The following PIP4K2A variants were observed in gnomAD, a reference collection of about 807,000 sequenced individuals.
The protein encoded by PIP4K2A is phosphatidylinositol-5-phosphate 4-kinase type 2 alpha, also known as phosphatidylinositol 5-phosphate 4-kinase type-2 alpha.
Under a neutral mutation model 42.9 loss-of-function variants are expected in PIP4K2A, and 14 were observed. That is an observed-to-expected ratio of 0.33 (90% CI 0.22 to 0.51). The LOEUF is 0.51. Among genes scored for constraint, PIP4K2A ranks in the 20% least tolerant of loss-of-function variants. The pLI is 0.97. For synonymous variants in PIP4K2A, 192 were observed against 192.2 expected (o/e 1.00, Z 0.01); for missense variants, 434 against 519.8 (o/e 0.83, Z 1.61).
At chr10:22,660,337 A>T (rs1241211899) in intron 1 of PIP4K2A, among the ~76,000 whole-genome samples, 1 of 151,892 alleles carries the variant, frequency 6.6e-6, no homozygotes, top group Non-Finnish European at 1.5e-5. Flanking sequence ...CGGGTGTGGA[A>T]GCGCGTGCCT....
intron 6 of PIP4K2A, among the ~76,000 whole-genome samples, chr10:22,563,199 G>A (rs565024360): frequency 1.6e-4 from 24 of 152,134 alleles, no homozygotes; most frequent in African/African-American, 5.6e-4. Flanking sequence ...GGTGGGTGGG[G>A]TAGCTTTATG....
intron 1 of PIP4K2A, among the ~76,000 whole-genome samples, chr10:22,612,548 G>A (rs936887156): frequency 5.3e-5 from 8 of 152,194 alleles, no homozygotes; most frequent in African/African-American, 1.7e-4. Context: ...ACCGGGAAGC[G>A]GCTGCTGTAG....
At chr10:22,538,108 G>T (rs546378838) in intron 9 of PIP4K2A, among the ~76,000 whole-genome samples, 1 of 152,340 alleles carries the variant, frequency 6.6e-6, no homozygotes, top group South Asian at 2.1e-4. Context: ...TGCTAAGTGA[G>T]CATGTGCTGT....
chr10:22,690,538 G>A (rs562026381), intron 1 of PIP4K2A, among the ~76,000 whole-genome samples: 3 of 152,220 alleles, frequency 2.0e-5, no homozygotes, highest in South Asian at 4.1e-4. Context: ...GTGGAAGAGA[G>A]TAACAAAAAC....
At chr10:22,550,946 G>A (rs1456645815) in intron 6 of PIP4K2A, among the ~76,000 whole-genome samples, 174 bp from the exon 7 acceptor site, 2 of 152,040 alleles carry the variant, frequency 1.3e-5, no homozygotes, top group Non-Finnish European at 2.9e-5. Context: ...ATACCACCGG[G>A]GGGCGCCAGT....
At chr10:22,658,521 T>G (rs1388291646) in intron 1 of PIP4K2A, among the ~76,000 whole-genome samples, 1 of 152,202 alleles carries the variant, frequency 6.6e-6, no homozygotes, top group Non-Finnish European at 1.5e-5. Context: ...AGGCTTAAAC[T>G]ACCAAACATT....
intron 1 of PIP4K2A, among the ~76,000 whole-genome samples, chr10:22,669,649 G>A (rs1479235894): frequency 1.3e-5 from 2 of 152,190 alleles, no homozygotes; most frequent in East Asian, 1.9e-4. Context: ...GCCCACTGGA[G>A]AGGCCATGCA....
intron 4 of PIP4K2A, among the ~76,000 whole-genome samples, chr10:22,578,864 T>C (rs1837186650): frequency 6.6e-6 from 1 of 152,036 alleles, no homozygotes; most frequent in South Asian, 2.1e-4. Context: ...ATCCAGCAAA[T>C]AATTAAAAAA....
At chr10:22,655,498 T>C (rs890137175) in intron 1 of PIP4K2A, among the ~76,000 whole-genome samples, 1 of 152,250 alleles carries the variant, frequency 6.6e-6, no homozygotes, top group African/African-American at 2.4e-5. Flanking sequence ...TGTGCGGTCT[T>C]TTTCATTTGT....
chr10:22,620,758 A>C (rs1412974429), intron 1 of PIP4K2A, among the ~76,000 whole-genome samples: 3 of 152,324 alleles, frequency 2.0e-5, no homozygotes, highest in African/African-American at 7.2e-5. Context: ...TCCTGCCTGG[A>C]TGACTTGGCC....
At chr10:22,640,920 AAT>A (rs1838771561) in intron 1 of PIP4K2A, among the ~76,000 whole-genome samples, 1 of 152,232 alleles carries the variant, frequency 6.6e-6, no homozygotes, top group Admixed American at 6.5e-5. Flanking sequence ...GCAAAAAAGT[AAT>A]AAACAGTTCT....
chr10:22,662,605 A>G (rs1839223479), intron 1 of PIP4K2A, among the ~76,000 whole-genome samples: 1 of 152,220 alleles, frequency 6.6e-6, no homozygotes, highest in Non-Finnish European at 1.5e-5. Context: ...GATACTCTTG[A>G]GCTAGCTTAA....
chr10:22,589,250 T>A lies in PIP4K2A; in HGVS notation c.492+2379A>T, dbSNP rs371052808. 7.9e-5 allele frequency among the ~76,000 whole-genome samples: 12 copies of A among 152,310 alleles called. No homozygotes were observed. The South Asian group carries it at 2.5e-3, about 32-fold the overall frequency. On this transcript the variant is annotated intron_variant, in intron 4 of 9. Transcript: ENST00000376573. Reference sequence around the variant, plus strand: ...AAAGTATAAAGAGAATGCATAAGTATGATATCAATTTCCAGAGGGGAAAAA... The same window carrying A: ...AAAGTATAAAGAGAATGCATAAGTAAGATATCAATTTCCAGAGGGGAAAAA...
intron 1 of PIP4K2A, among the ~76,000 whole-genome samples, chr10:22,684,122 T>G (rs1017531459): frequency 6.6e-6 from 1 of 152,180 alleles, no homozygotes; most frequent in Non-Finnish European, 1.5e-5. Context: ...CAATTTAGTA[T>G]GCCAACTTCC....
At chr10:22,676,932 T>C (rs1156754123) in intron 1 of PIP4K2A, among the ~76,000 whole-genome samples, 1 of 152,186 alleles carries the variant, frequency 6.6e-6, no homozygotes, top group East Asian at 1.9e-4. Context: ...GCTTACAATA[T>C]TTATTACCTG....
chr10:22,709,308 G>A (rs957673220), intron 1 of PIP4K2A, among the ~76,000 whole-genome samples: 3 of 152,106 alleles, frequency 2.0e-5, no homozygotes, highest in Non-Finnish European at 4.4e-5. Flanking sequence ...ACCCTGTGAA[G>A]TCATATCATT....
chr10:22,540,102 G>T, intron 8 of PIP4K2A, 28 bp from the exon 9 acceptor site: 1 of 1,208,220 alleles, frequency 8.3e-7, no homozygotes, highest in Non-Finnish European at 1.2e-6. Flanking sequence ...CAATGACTGT[G>T]GGACATGTGA....
At position 22,551,930 on chromosome 10, in the gene PIP4K2A, G is replaced by C. The variant is rs146474799; in HGVS notation, c.679-1158C>G. ...CTTCCCCTCCTATTTATAAAGTATAGACATGCATGTAAACAGTCACATCTA... is the reference window on the plus strand; with the variant it reads ...CTTCCCCTCCTATTTATAAAGTATACACATGCATGTAAACAGTCACATCTA... On this transcript the variant is annotated intron_variant, in intron 6 of 9. Coordinates refer to ENST00000376573, the MANE Select transcript of PIP4K2A (RefSeq NM_005028.5). Among the ~76,000 whole-genome samples, 727 of 152,130 alleles carry C rather than the reference G, an allele frequency of 4.8e-3. 7 individuals are homozygous for C. The highest frequency in any genetic ancestry group is 0.015 in the African/African-American group (637 of 41,464).
chr10:22,615,281 A>T (rs747389735), intron 1 of PIP4K2A, among the ~76,000 whole-genome samples: 4 of 152,216 alleles, frequency 2.6e-5, no homozygotes, highest in East Asian at 1.9e-4. Flanking sequence ...AATTTTAAAA[A>T]TTTTTTTGTG....
Sources: allele counts gnomAD v4.1 joint callset (sites outside exome capture counted in the v4.1 genomes callset), GRCh38; gene constraint gnomAD v4.1.1; transcripts MANE v1.5; gene names NCBI Gene and HGNC (gene_info 2026-07-23, HGNC 2026-07-21).